The following DLGAP3 variants were observed in gnomAD, a reference collection of about 807,000 sequenced individuals.
DLGAP3 encodes the protein disks large-associated protein 3.
A neutral mutation model predicts 81.2 loss-of-function variants in DLGAP3; 17 were observed. That is an observed-to-expected ratio of 0.21 (90% CI 0.14 to 0.31). DLGAP3 has a LOEUF of 0.31. Among genes scored for constraint, DLGAP3 ranks in the 10% least tolerant of loss-of-function variants. The pLI is 1.00. For synonymous variants in DLGAP3, 577 were observed against 587.4 expected, an observed-to-expected ratio of 0.98 and a Z score of 0.26; for missense variants, 1,124 against 1,388.0, an observed-to-expected ratio of 0.81 and a Z score of 3.02.
rs536532265 is a variant in DLGAP3 at position 34,896,251 on chromosome 1, GT to G, written c.1386+3417del. Among the ~76,000 whole-genome samples the G allele has an allele frequency of 5.9e-3, 905 of 152,130 alleles. 16 individuals are homozygous for G. Among genetic ancestry groups the G allele is most frequent in the African/African-American group, 0.021 (861 of 41,472 alleles). ...CAGAATTGTGAGAAAATAAATTTTTGTTGCCAAAAAAAAGAAGAACAAGAAG... is the reference window on the plus strand; with the variant it reads ...CAGAATTGTGAGAAAATAAATTTTTGTGCCAAAAAAAAGAAGAACAAGAAG... On this transcript the variant is annotated intron_variant, in intron 5 of 11. Transcript: ENST00000373347.
intron 1 of DLGAP3, among the ~76,000 whole-genome samples, chr1:34,927,837 C>T (rs1444619738): frequency 1.3e-5 from 2 of 152,250 alleles, no homozygotes; most frequent in East Asian, 3.9e-4. Flanking sequence ...CTAACCTTGG[C>T]CCAGCCCAGT....
At chr1:34,905,815 G>A (rs1639542374) in intron 2 of DLGAP3, among the ~76,000 whole-genome samples, 1 of 151,618 alleles carries the variant, frequency 6.6e-6, no homozygotes, top group South Asian at 2.1e-4. Flanking sequence ...ATCAACCTGG[G>A]CAACCAAGCA....
chr1:34,883,665 C>A (rs1639177827), intron 8 of DLGAP3, among the ~76,000 whole-genome samples: 1 of 152,120 alleles, frequency 6.6e-6, no homozygotes, highest in African/African-American at 2.4e-5. Context: ...GTTTAGAAGT[C>A]ATGCAGGCAA....
chr1:34,912,030 T>A (rs1220015386), intron 1 of DLGAP3, among the ~76,000 whole-genome samples: 1 of 152,192 alleles, frequency 6.6e-6, no homozygotes, highest in Non-Finnish European at 1.5e-5. Context: ...ACTGGCTGTG[T>A]GTACTTGGGT....
chr1:34,924,743 T>C (rs929236785), intron 1 of DLGAP3, among the ~76,000 whole-genome samples: 1 of 152,022 alleles, frequency 6.6e-6, no homozygotes, highest in Non-Finnish European at 1.5e-5. Context: ...AACAGTACAA[T>C]GGTTTTGGAA....
At chr1:34,919,746 C>G (rs1639770293) in intron 1 of DLGAP3, among the ~76,000 whole-genome samples, 1 of 152,130 alleles carries the variant, frequency 6.6e-6, no homozygotes, top group South Asian at 2.1e-4. Flanking sequence ...TGCCACTGCA[C>G]TCCAACCTGG....
rs1004444958 is a variant in DLGAP3, at chr1:34,868,215, A to C, written c.2485+390T>G. ...TTCTGTGCCTCAGACAGGATCTGAC[A>C]TTGTGAACTGCCTCCCTCTCTGTAA... On this transcript the variant is annotated intron_variant, in intron 9 of 11. Transcript: ENST00000373347. This position sits in a 1 kb window ranked among gnomAD's most constrained non-coding sequence, Gnocchi z 7.5. Among the ~76,000 whole-genome samples, 3 of 152,102 alleles carry C rather than the reference A, an allele frequency of 2.0e-5. No homozygotes were observed. Among genetic ancestry groups the C allele is most frequent in the Non-Finnish European group, 4.4e-5 (3 of 67,998 alleles).
chr1:34,871,168 T>C (rs1048603062), intron 8 of DLGAP3, among the ~76,000 whole-genome samples: 1 of 152,092 alleles, frequency 6.6e-6, no homozygotes, highest in Non-Finnish European at 1.5e-5. Context: ...AGCCCCCTAC[T>C]ACCAACAAGA....
At chr1:34,924,133 T>C (rs1288149929) in intron 1 of DLGAP3, among the ~76,000 whole-genome samples, 1 of 152,164 alleles carries the variant, frequency 6.6e-6, no homozygotes, top group African/African-American at 2.4e-5. Flanking sequence ...ATTCCCTTCA[T>C]GGTTACAAAG....
At chr1:34,903,274 C>G (rs1004002822) in intron 3 of DLGAP3, among the ~76,000 whole-genome samples, 2 of 152,192 alleles carry the variant, frequency 1.3e-5, no homozygotes, top group African/African-American at 4.8e-5. Context: ...AGGGCTCTCC[C>G]CTATCACAGC....
intron 8 of DLGAP3, among the ~76,000 whole-genome samples, chr1:34,880,039 AT>A (rs1639122082): frequency 6.6e-6 from 1 of 152,014 alleles, no homozygotes; most frequent in South Asian, 2.1e-4. Flanking sequence ...CAACATATGT[AT>A]TTTTTTCTTT....
intron 5 of DLGAP3, among the ~76,000 whole-genome samples, chr1:34,892,632 C>T (rs1221647082): frequency 1.3e-5 from 2 of 152,086 alleles, no homozygotes; most frequent in East Asian, 1.9e-4. Flanking sequence ...ATCCTACTGC[C>T]TCCACTTCCC....
chr1:34,885,465 C>T lies in DLGAP3; in HGVS notation c.1914+13G>A. 6.2e-7 allele frequency: 1 copy of T among 1,605,236 alleles called. No individual in the cohort carries two copies. The highest frequency in any genetic ancestry group is 8.5e-7 in the Non-Finnish European group (1 of 1,179,626). On this transcript the variant is annotated intron_variant, in intron 7 of 11. Coordinates refer to ENST00000373347, the MANE Select transcript of DLGAP3 (RefSeq NM_001080418.3). ...AGGGTCAGAGCCCTCGTGGGCGCCT[C>T]CCCGTTCCATACCTGCACCCCAATG... is the stretch of plus-strand genomic sequence containing the variant.
At chr1:34,911,014 T>C (rs1639630713) in intron 1 of DLGAP3, among the ~76,000 whole-genome samples, 1 of 90,030 alleles carries the variant, frequency 1.1e-5, no homozygotes, top group Admixed American at 1.5e-4. Flanking sequence ...AAAGGATAGA[T>C]ATTATCCACC....
At position 34,900,030 on chromosome 1, in the gene DLGAP3, C is replaced by T; in HGVS notation, c.1313+38G>A. 1 of 1,574,598 alleles carries T rather than the reference C, an allele frequency of 6.4e-7. No homozygotes were observed. The highest frequency in any genetic ancestry group is 8.7e-7 in the Non-Finnish European group (1 of 1,150,802). ...TCTCCCGCAGGAGTCCAGCATCAGC[C>T]TCCTGACCCCGCACCCCCCGGCCCT... On this transcript the variant is annotated intron_variant, in intron 4 of 11. Coordinates refer to ENST00000373347, the MANE Select transcript of DLGAP3 (RefSeq NM_001080418.3). This position sits in a 1 kb window ranked among gnomAD's most constrained non-coding sequence, Gnocchi z 5.6.
intron 1 of DLGAP3, among the ~76,000 whole-genome samples, chr1:34,910,781 T>C (rs1222281139): frequency 6.6e-6 from 1 of 152,158 alleles, no homozygotes; most frequent in African/African-American, 2.4e-5. Context: ...GTCTCTTATA[T>C]TGTTACCATT....
At chr1:34,903,576 C>A (rs141118072) in intron 3 of DLGAP3, among the ~76,000 whole-genome samples, 2 of 152,300 alleles carry the variant, frequency 1.3e-5, no homozygotes, top group East Asian at 3.9e-4. Flanking sequence ...GCCTCACCTG[C>A]AGAGACCATA....
At chr1:34,922,933 C>T (rs1410868159) in intron 1 of DLGAP3, among the ~76,000 whole-genome samples, 2 of 152,104 alleles carry the variant, frequency 1.3e-5, no homozygotes, top group Admixed American at 6.6e-5. Context: ...CATTCCCACC[C>T]ACTCTCAGTG....
rs186680481 is a variant in DLGAP3, at chr1:34,883,027, C to A, written c.2000+1951G>T. 1.8e-3 allele frequency among the ~76,000 whole-genome samples: 271 copies of A among 152,310 alleles called. 2 individuals are homozygous for A. Among genetic ancestry groups the A allele is most frequent in the African/African-American group, 6.0e-3 (250 of 41,574 alleles). ...TCCTCAAGTCTCAGCTTAAATGTCA[C>A]CTGTTAATCTAAATAAGGTCCCTTC... On this transcript the variant is annotated intron_variant, in intron 8 of 11. Transcript: ENST00000373347.
Sources: gnomAD v4.1 joint callset for allele counts (sites outside exome capture counted in the v4.1 genomes callset) on GRCh38, gnomAD v4.1.1 for gene constraint, Gnocchi (gnomAD v3.1) non-coding constraint, MANE v1.5 for transcripts, NCBI Gene and HGNC (gene_info 2026-07-23, HGNC 2026-07-21) for gene names.